The following CCT3 variants were observed in gnomAD, a reference collection of about 807,000 sequenced individuals.
CCT3 encodes T-complex protein 1 subunit gamma.
A neutral mutation model predicts 65.3 loss-of-function variants in CCT3; 10 were observed. The ratio of observed to expected loss-of-function variants is 0.15; its 90% confidence interval spans 0.09 to 0.26. The LOEUF (loss-of-function observed/expected upper bound fraction) is 0.26. Among genes scored for constraint, CCT3 ranks in the 10% least tolerant of loss-of-function variants. The pLI is 1.00. For missense variants in CCT3, 626 were observed against 708.7 expected, an observed-to-expected ratio of 0.88 and a Z score of 1.33; for synonymous variants, 225 against 242.3, an observed-to-expected ratio of 0.93 and a Z score of 0.66.
intron 10 of CCT3, among the ~76,000 whole-genome samples, chr1:156,316,511 T>C (rs1664319429): frequency 6.6e-6 from 1 of 152,250 alleles, no homozygotes; most frequent in Non-Finnish European, 1.5e-5. Flanking sequence ...AAATATGATT[T>C]GGATCTGTGA....
At chr1:156,315,250 C>T (rs1295643658) in intron 10 of CCT3, among the ~76,000 whole-genome samples, 1 of 152,160 alleles carries the variant, frequency 6.6e-6, no homozygotes, top group Non-Finnish European at 1.5e-5. Context: ...CTCTTGTCGC[C>T]CAGGTTGGAG....
intron 10 of CCT3, among the ~76,000 whole-genome samples, chr1:156,315,836 TAAC>T (rs1306640847): frequency 6.6e-6 from 1 of 152,130 alleles, no homozygotes; most frequent in East Asian, 1.9e-4. Context: ...CATGCATATC[TAAC>T]ATGTACATAT....
chr1:156,332,530 T>C (rs1665146611), intron 5 of CCT3: 1 of 152,208 alleles, frequency 6.6e-6, no homozygotes, highest in African/African-American at 2.4e-5. Flanking sequence ...TTCATGACAC[T>C]TTCATAGTCA....
chr1:156,330,155 T>C (rs997956314), intron 5 of CCT3, among the ~76,000 whole-genome samples: 1 of 152,090 alleles, frequency 6.6e-6, no homozygotes, highest in Non-Finnish European at 1.5e-5. Context: ...GCTAGAAAAT[T>C]TTCTCTGATA....
In CCT3 at chr1:156,327,443, G is replaced by A. The variant is rs1439087042; in HGVS notation, c.305-2354C>T. Among the ~76,000 whole-genome samples, 5 of 152,016 alleles carry A rather than the reference G, an allele frequency of 3.3e-5. No homozygotes were observed. In the South Asian group the frequency reaches 6.2e-4, roughly 19 times the overall value. ...GTGCCTGCGATTGCAGGCGCGCGCC[G>A]CCACGCCTGACTGGTTTTCGTATTT... On this transcript the variant is annotated intron_variant, in intron 5 of 13. Transcript: ENST00000295688.
chr1:156,310,192 T>A (rs1213293773), intron 13 of CCT3, among the ~76,000 whole-genome samples: 1 of 151,976 alleles, frequency 6.6e-6, no homozygotes, highest in Non-Finnish European at 1.5e-5. Context: ...TCTTTACCCC[T>A]CCCTTCAAGA....
intron 6 of CCT3, among the ~76,000 whole-genome samples, chr1:156,324,620 C>CATTACA (rs1664724224): frequency 6.6e-6 from 1 of 151,658 alleles, no homozygotes; most frequent in Non-Finnish European, 1.5e-5. Flanking sequence ...TACAGGTGTG[C>CATTACA]GCCACCATAC....
chr1:156,310,870 T>C lies in CCT3; in HGVS notation c.1401+80A>G, dbSNP rs1049800777. 2.2e-5 allele frequency: 33 copies of C among 1,525,864 alleles called. No homozygotes were observed. In the South Asian group the frequency reaches 2.2e-4, roughly 10 times the overall value. 94.5% of individuals were successfully genotyped at this position (1,525,864 alleles called of 1,614,324 possible). On this transcript the variant is annotated intron_variant, in intron 12 of 13. Transcript: ENST00000295688. Reference sequence around the variant, plus strand: ...GAATAGACTATAAAGAGAATTTGGATAGCCAGATAAGAATCTTCCCCTCAG... The same window carrying C: ...GAATAGACTATAAAGAGAATTTGGACAGCCAGATAAGAATCTTCCCCTCAG...
Position 156,317,088 on chromosome 1 carries a change from AG to A in CCT3, c.974+77del, listed in dbSNP as rs1664341990. The A allele has an allele frequency of 2.1e-5, 26 of 1,230,078 alleles. No individual in the cohort carries two copies. The East Asian group carries it at 6.0e-4, about 29-fold the overall frequency. The allele number at this position is 1,230,078 out of a possible 1,614,324, so 76.2% of individuals were successfully genotyped here. ...ACTATATCCTTTATTAAACCTTTTC[AG>A]GTAATGATGACTGTTACGCAACTAC... is the stretch of plus-strand genomic sequence containing the variant. On this transcript the variant is annotated intron_variant, in intron 10 of 13. Coordinates refer to ENST00000295688, the MANE Select transcript of CCT3 (RefSeq NM_005998.5).
At chr1:156,336,010 T>C in intron 1 of CCT3, 122 bp from the exon 2 acceptor site, 1 of 667,108 alleles carries the variant, frequency 1.5e-6, no homozygotes, top group Non-Finnish European at 2.6e-6. Flanking sequence ...GAGCAAAGCT[T>C]ATCAAACTCT....
At chr1:156,324,272 T>C (rs1664702203) in intron 6 of CCT3, among the ~76,000 whole-genome samples, 1 of 151,770 alleles carries the variant, frequency 6.6e-6, no homozygotes, top group South Asian at 2.1e-4. Flanking sequence ...TTTCACCATG[T>C]TGGCCAGGCT....
chr1:156,324,927 A>AG (rs1327858291), intron 6 of CCT3, 45 bp downstream of exon 6: 1 of 1,280,648 alleles, frequency 7.8e-7, no homozygotes, highest in East Asian at 2.3e-5. Flanking sequence ...ACGTCTAGCC[A>AG]GGCCTCTCAT....
chr1:156,317,368 C>T lies in CCT3; in HGVS notation c.892+47G>A, dbSNP rs752436894. The T allele has an allele frequency of 4.4e-6, 7 of 1,600,940 alleles. 1 individual carries two copies. Among genetic ancestry groups the T allele is most frequent in the East Asian group, 2.2e-5 (1 of 44,588 alleles). On this transcript the variant is annotated intron_variant, in intron 9 of 13. Transcript: ENST00000295688. ...ATGAGGGGAGAAAACAAATCACCCA[C>T]CCTCGTCTACCTCAAAGGTAGGCTG...
chr1:156,328,020 A>G (rs1443233754), intron 5 of CCT3, among the ~76,000 whole-genome samples: 20 of 38,708 alleles, frequency 5.2e-4, no homozygotes, highest in Admixed American at 1.6e-3. Context: ...TCCGGCAGCC[A>G]CCCCGTCCGG....
intron 6 of CCT3, among the ~76,000 whole-genome samples, chr1:156,324,723 G>T (rs141748979): frequency 0.016 from 2,475 of 152,056 alleles, 34 homozygotes; most frequent in Middle Eastern, 0.048. Flanking sequence ...TGACTCCCTG[G>T]TTCAGGCAAT....
At chr1:156,326,532 C>T (rs1186370622) in intron 5 of CCT3, among the ~76,000 whole-genome samples, 1 of 151,318 alleles carries the variant, frequency 6.6e-6, no homozygotes, top group East Asian at 1.9e-4. Flanking sequence ...TGCCTGTATT[C>T]CTAGCTACTC....
intron 12 of CCT3, 84 bp from the exon 13 acceptor site, chr1:156,310,773 T>A: frequency 5.3e-6 from 8 of 1,507,916 alleles, no homozygotes; most frequent in Non-Finnish European, 7.3e-6. Context: ...AATGGACCAG[T>A]ATGGAAGGGA....
intron 6 of CCT3, among the ~76,000 whole-genome samples, chr1:156,322,949 T>C (rs577146207): frequency 6.6e-6 from 1 of 152,046 alleles, no homozygotes; most frequent in Non-Finnish European, 1.5e-5. Context: ...TAAAAATAAT[T>C]AGATCAAACA....
intron 10 of CCT3, among the ~76,000 whole-genome samples, chr1:156,312,922 T>G (rs546634725): frequency 6.6e-6 from 1 of 152,314 alleles, no homozygotes; most frequent in East Asian, 1.9e-4. Context: ...AGCTGGAGAA[T>G]TTAATGCCAG....
Sources: gnomAD v4.1 joint callset for allele counts (sites outside exome capture counted in the v4.1 genomes callset) on GRCh38, gnomAD v4.1.1 for gene constraint, MANE v1.5 for transcripts, NCBI Gene and HGNC (gene_info 2026-07-23, HGNC 2026-07-21) for gene names.